NDC80: variants seen among roughly 807,000 people sequenced by gnomAD.
NDC80 encodes the protein NDC80 kinetochore complex component, also known as kinetochore protein NDC80 homolog.
In NDC80, 69 loss-of-function variants were observed where a neutral mutation model predicts 89.3. The ratio of observed to expected loss-of-function variants is 0.77; its 90% confidence interval spans 0.64 to 0.94. The LOEUF (loss-of-function observed/expected upper bound fraction) is 0.94. Among genes scored for constraint, NDC80 ranks in the 40% least tolerant of loss-of-function variants. The pLI, the probability that NDC80 is intolerant of heterozygous loss-of-function variation, is 0.00. For synonymous variants in NDC80, 243 were observed against 255.6 expected (o/e 0.95, Z 0.47); for missense variants, 593 against 739.6 (o/e 0.80, Z 2.30).
intron 10 of NDC80, among the ~76,000 whole-genome samples, chr18:2,593,054 G>GTGTGTGTGTGTT (rs1177243033): frequency 2.3e-5 from 2 of 86,492 alleles, no homozygotes; most frequent in Admixed American, 1.0e-4. Context: ...GTGTGTGTGT[G>GTGTGTGTGTGTT]TCTTTTTTTT....
chr18:2,588,700 A>G (rs2072613544), intron 8 of NDC80, among the ~76,000 whole-genome samples: 1 of 152,182 alleles, frequency 6.6e-6, no homozygotes, highest in South Asian at 2.1e-4. Context: ...GCTTGTTCAC[A>G]TGGGAAAGGG....
chr18:2,575,430 C>T (rs2072541405), intron 3 of NDC80, among the ~76,000 whole-genome samples: 1 of 151,928 alleles, frequency 6.6e-6, no homozygotes, highest in Non-Finnish European at 1.5e-5. Flanking sequence ...CCAGCCTGGG[C>T]AACGTGACAA....
Position 2,585,095 on chromosome 18 carries a change from TG to T in NDC80, c.580-17del. On this transcript the variant is annotated splice_polypyrimidine_tract_variant and intron_variant, in intron 6 of 16. Transcript: ENST00000261597. ...GTTTTTCAGATCAACTTGCTTTTCT[TG>T]CTTGTGTACTAATTAGATACATACT... 1.9e-6 allele frequency: 3 copies of T among 1,592,102 alleles called. No individual in the cohort carries two copies. Among genetic ancestry groups the T allele is most frequent in the Non-Finnish European group, 2.6e-6 (3 of 1,163,748 alleles).
intron 13 of NDC80, among the ~76,000 whole-genome samples, chr18:2,603,306 A>C (rs991973499): frequency 2.7e-5 from 4 of 149,852 alleles, no homozygotes; most frequent in Non-Finnish European, 5.9e-5. Context: ...AAACTCTTAG[A>C]AAAAGTGGAC....
chr18:2,573,079 C>A lies in NDC80; in HGVS notation c.94C>A (p.Pro32Thr). Reference protein sequence around the residue: ...QDVNKQGLYTPQTKEKPTFGK... With the variant: ...QDVNKQGLYTTQTKEKPTFGK... Reference sequence around the variant, plus strand: ...TGTAAATAAACAAGGCCTCTATACCCCTCAAACGTGAGTATTTCCCTTGTG... The same window carrying A: ...TGTAAATAAACAAGGCCTCTATACCACTCAAACGTGAGTATTTCCCTTGTG... Residue 32 changes from proline to threonine, a missense_variant, in exon 2 of 17, where the codon CCT (proline) becomes ACT (threonine). By Grantham distance (38) the Pro-to-Thr change is conservative. Coordinates refer to ENST00000261597, the MANE Select transcript of NDC80 (RefSeq NM_006101.3). 6.2e-7 allele frequency: 1 copy of A among 1,610,620 alleles called. No individual in the cohort carries two copies. Among genetic ancestry groups the A allele is most frequent in the Non-Finnish European group, 8.5e-7 (1 of 1,178,174 alleles).
At chr18:2,609,155 A>G (rs2072729819) in intron 15 of NDC80, among the ~76,000 whole-genome samples, 1 of 152,206 alleles carries the variant, frequency 6.6e-6, no homozygotes, top group Non-Finnish European at 1.5e-5. Context: ...GAATTTTAAT[A>G]AAATTCCACT....
At chr18:2,575,330 G>A (rs1056556674) in intron 3 of NDC80, among the ~76,000 whole-genome samples, 4 of 152,266 alleles carry the variant, frequency 2.6e-5, no homozygotes, top group South Asian at 2.1e-4. Context: ...TGGAGTCATC[G>A]CATTTTAAAA....
chr18:2,608,552 C>T, intron 14 of NDC80, 148 bp from the exon 15 acceptor site: 1 of 817,758 alleles, frequency 1.2e-6, no homozygotes. Context: ...ACTTTAAAGT[C>T]TCTTGCATGT....
intron 13 of NDC80, among the ~76,000 whole-genome samples, chr18:2,603,252 G>C (rs1375762688): frequency 1.3e-5 from 2 of 151,508 alleles, no homozygotes; most frequent in Non-Finnish European, 2.9e-5. Flanking sequence ...ATCCTAAAGA[G>C]TAACAACATT....
chr18:2,609,907 G>A (rs1477449229), intron 15 of NDC80, among the ~76,000 whole-genome samples: 1 of 152,196 alleles, frequency 6.6e-6, no homozygotes, highest in East Asian at 1.9e-4. Context: ...ACTGGCATAA[G>A]CAAACATGAA....
At position 2,616,623 on chromosome 18, in the gene NDC80, T is replaced by G; in HGVS notation, c.*49T>G. On this transcript the variant is annotated 3_prime_UTR_variant, in exon 17 of 17. Coordinates refer to ENST00000261597, the MANE Select transcript of NDC80 (RefSeq NM_006101.3). ...TATATCCATAGTGAATAAAATTGTCTCAGTAAAGTGTATTTTTCTCTCTCA... is the reference window on the plus strand; with the variant it reads ...TATATCCATAGTGAATAAAATTGTCGCAGTAAAGTGTATTTTTCTCTCTCA... 9.4e-7 allele frequency: 1 copy of G among 1,062,934 alleles called. No individual in the cohort carries two copies. The highest frequency in any genetic ancestry group is 1.3e-6 in the Non-Finnish European group (1 of 790,284). 65.8% of individuals were successfully genotyped at this position (1,062,934 alleles called of 1,614,324 possible). A position where few individuals can be genotyped will look rare whatever the true frequency, so the allele number is the denominator to read the frequency against.
chr18:2,601,771 A>G (rs9948542), intron 13 of NDC80, among the ~76,000 whole-genome samples: 9,618 of 152,180 alleles, frequency 0.063, 328 homozygotes, highest in African/African-American at 0.082. Context: ...TAATATTTTT[A>G]TACTAAAAGA....
intron 1 of NDC80, among the ~76,000 whole-genome samples, chr18:2,572,263 C>G (rs1412026163): frequency 2.6e-5 from 4 of 152,182 alleles, no homozygotes; most frequent in Non-Finnish European, 4.4e-5. Flanking sequence ...AGGGCAGGAC[C>G]TGAGAAGGCT....
At chr18:2,581,061 T>G (rs1237883247) in intron 6 of NDC80, among the ~76,000 whole-genome samples, 1 of 151,942 alleles carries the variant, frequency 6.6e-6, no homozygotes, top group Non-Finnish European at 1.5e-5. Flanking sequence ...TTATTTAAGT[T>G]GGAATCCCCT....
chr18:2,587,404 A>G (rs2072607743), intron 7 of NDC80, among the ~76,000 whole-genome samples: 1 of 152,228 alleles, frequency 6.6e-6, no homozygotes, highest in Non-Finnish European at 1.5e-5. Context: ...TTGGGTTTTT[A>G]CAATTAGACC....
intron 2 of NDC80, among the ~76,000 whole-genome samples, chr18:2,573,408 G>A (rs1426409474): frequency 1.3e-5 from 2 of 152,158 alleles, no homozygotes; most frequent in Non-Finnish European, 2.9e-5. Context: ...GCTCTGTGCT[G>A]TAACTTAGAG....
intron 13 of NDC80, among the ~76,000 whole-genome samples, chr18:2,601,769 T>G (rs2072685362): frequency 6.6e-6 from 1 of 152,142 alleles, no homozygotes; most frequent in African/African-American, 2.4e-5. Flanking sequence ...TTTAATATTT[T>G]TATACTAAAA....
rs774193878 is a variant in NDC80 at position 2,574,991 on chromosome 18, A to G, written c.104A>G (p.Lys35Arg). 1.3e-6 allele frequency: 2 copies of G among 1,597,792 alleles called. No individual in the cohort carries two copies. The highest frequency in any genetic ancestry group is 3.5e-5 in the Admixed American group (2 of 57,160). The change falls in exon 3 of 17, where the codon AAA becomes AGA. Residue 35 changes from lysine to arginine, a missense_variant and splice_region_variant. By Grantham distance (26) the Lys-to-Arg change is conservative. Coordinates refer to ENST00000261597, the MANE Select transcript of NDC80 (RefSeq NM_006101.3). The stretch of plus-strand genomic sequence containing the variant: ...GTTGTTTTCTATTTTTCTTAAAGCA[A>G]AGAGAAACCAACCTTTGGAAAGTTG... ...NKQGLYTPQT[K>R]EKPTFGKLSI... is the part of the protein sequence containing the mutation.
chr18:2,572,685 A>T (rs564529172), intron 1 of NDC80, among the ~76,000 whole-genome samples: 1 of 152,262 alleles, frequency 6.6e-6, no homozygotes, highest in East Asian at 1.9e-4. Context: ...GAAGGCAAAA[A>T]CCGTAACTTA....
Sources: gnomAD v4.1 joint callset for allele counts (sites outside exome capture counted in the v4.1 genomes callset) on GRCh38, gnomAD v4.1.1 for gene constraint, MANE v1.5 for transcripts, NCBI Gene and HGNC (gene_info 2026-07-23, HGNC 2026-07-21) for gene names.